The following CSMD1 variants were observed in gnomAD, a reference collection of about 807,000 sequenced individuals.
The protein encoded by CSMD1 is CUB and Sushi multiple domains 1, also known as CUB and sushi domain-containing protein 1.
CSMD1 carries 213 observed loss-of-function variants against 417.5 expected under a neutral mutation model. The observed-to-expected ratio is 0.51, with a 90% confidence interval of 0.46 to 0.57. The LOEUF (loss-of-function observed/expected upper bound fraction) is 0.57, where lower values mean the gene tolerates loss of function less well. Among genes scored for constraint, CSMD1 ranks in the 20% least tolerant of loss-of-function variants. The pLI, the probability that CSMD1 is intolerant of heterozygous loss-of-function variation, is 0.00. For synonymous variants in CSMD1, 2,862 were observed against 1,736.8 expected (o/e 1.65, Z -16.11); for missense variants, 6,923 against 4,529.7 (o/e 1.53, Z -15.17).
intron 5 of CSMD1, among the ~76,000 whole-genome samples, chr8:3,824,342 A>G (rs552759939): frequency 5.8e-4 from 88 of 152,278 alleles, no homozygotes; most frequent in African/African-American, 1.5e-3. Context: ...GCCAGATACT[A>G]TGTGCAAAGT....
chr8:2,954,831 G>C (rs1802889285), intron 64 of CSMD1, among the ~76,000 whole-genome samples: 1 of 152,184 alleles, frequency 6.6e-6, no homozygotes, highest in Non-Finnish European at 1.5e-5. Flanking sequence ...ATTTCTAACA[G>C]GGAAGGGCAA....
At chr8:3,042,636 C>A (rs1304547765) in intron 50 of CSMD1, among the ~76,000 whole-genome samples, 1 of 152,090 alleles carries the variant, frequency 6.6e-6, no homozygotes, top group African/African-American at 2.4e-5. Context: ...CATGGAGCAA[C>A]CGAGCAACCT....
intron 2 of CSMD1, among the ~76,000 whole-genome samples, chr8:4,485,086 A>G (rs1322367814): frequency 6.7e-6 from 1 of 148,860 alleles, no homozygotes; most frequent in Non-Finnish European, 1.5e-5. Context: ...CACAGAAAGG[A>G]GATGCTGAGA....
At position 4,258,012 on chromosome 8, in the gene CSMD1, G is replaced by C. The variant is rs138908448; in HGVS notation, c.415+161941C>G. ...CATAGAATAAGTGGATTAAACAACA[G>C]ACATTTATTTCTCACAGCTGTGGAA... On this transcript the variant is annotated intron_variant, in intron 3 of 69. Transcript: ENST00000635120. Among the ~76,000 whole-genome samples, 846 of 152,020 alleles carry C rather than the reference G, an allele frequency of 5.6e-3. 7 individuals are homozygous for C. Among genetic ancestry groups the C allele is most frequent in the African/African-American group, 0.02 (810 of 41,482 alleles).
At chr8:3,628,521 A>G (rs893440570) in intron 7 of CSMD1, among the ~76,000 whole-genome samples, 7 of 152,226 alleles carry the variant, frequency 4.6e-5, no homozygotes, top group Non-Finnish European at 8.8e-5. Flanking sequence ...CAGTAATATG[A>G]AGCCCTTAGT....
At chr8:3,058,651 C>T (rs1812394347) in intron 49 of CSMD1, among the ~76,000 whole-genome samples, 1 of 152,012 alleles carries the variant, frequency 6.6e-6, no homozygotes, top group Admixed American at 6.6e-5. Context: ...CCAGGCCATG[C>T]TGATGGCACT....
At chr8:4,201,612 T>G (rs546034342) in intron 3 of CSMD1, among the ~76,000 whole-genome samples, 2 of 139,866 alleles carry the variant, frequency 1.4e-5, no homozygotes, top group African/African-American at 5.3e-5. Context: ...AGAAGAAAAT[T>G]GAAATATAAA....
At chr8:3,273,103 C>T (rs1260158183) in intron 26 of CSMD1, among the ~76,000 whole-genome samples, 1 of 151,914 alleles carries the variant, frequency 6.6e-6, no homozygotes. Flanking sequence ...TGAGATACGT[C>T]CCATCAATAC....
rs1300700603 is a variant in CSMD1 at position 3,110,293 on chromosome 8, T to C, written c.6473A>G (p.Tyr2158Cys). ...ATACTCATCAGGAAAGCCAGGGGAGTAGATGGTGCCGTTCTGAGAAGTTAC... is the reference window on the plus strand; with the variant it reads ...ATACTCATCAGGAAAGCCAGGGGAGCAGATGGTGCCGTTCTGAGAAGTTAC... ...YNVTSQNGTI[Y>C]SPGFPDEYPI... is the part of the protein sequence containing the mutation. The change falls in exon 43 of 70, where the codon TAC becomes TGC. Residue 2158 changes from tyrosine (Y) to cysteine (C), a missense_variant. Tyr to Cys is a radical substitution (Grantham distance 194, BLOSUM62 -2). Transcript: ENST00000635120. The C allele has an allele frequency of 6.2e-7, 1 of 1,612,920 alleles. No homozygotes were observed. Among genetic ancestry groups the C allele is most frequent in the Non-Finnish European group, 8.5e-7 (1 of 1,179,600 alleles).
In CSMD1 at chr8:3,479,091, C is replaced by T. The variant is rs544073265; in HGVS notation, c.1449-10267G>A. On this transcript the variant is annotated intron_variant, in intron 11 of 69. Coordinates refer to ENST00000635120, the MANE Select transcript of CSMD1 (RefSeq NM_033225.6). ...GCACCAGCAGAAAGCAGTGGAGACTCCTTGGGCACTAAAGGCACTGAGCAG... is the reference window on the plus strand; with the variant it reads ...GCACCAGCAGAAAGCAGTGGAGACTTCTTGGGCACTAAAGGCACTGAGCAG... Among the ~76,000 whole-genome samples, 9 of 152,134 alleles carry T rather than the reference C, an allele frequency of 5.9e-5. No homozygotes were observed. The South Asian group carries it at 1.7e-3, about 28-fold the overall frequency.
intron 10 of CSMD1, among the ~76,000 whole-genome samples, chr8:3,545,663 G>A (rs1008989412): frequency 2.0e-5 from 3 of 152,196 alleles, no homozygotes; most frequent in Non-Finnish European, 4.4e-5. Flanking sequence ...ACAACTTACA[G>A]ACACTGCCTT....
chr8:2,974,437 C>G lies in CSMD1; in HGVS notation c.8740+14G>C. On this transcript the variant is annotated intron_variant, in intron 56 of 69. Transcript: ENST00000635120. ...AAATCTGTAATTCTGTCAGTTCACT[C>G]GTAAGCCCCTCACCTGTGCAGTGGG... 1 of 1,536,888 alleles carries G rather than the reference C, an allele frequency of 6.5e-7. No homozygotes were observed. Among genetic ancestry groups the G allele is most frequent in the South Asian group, 1.2e-5 (1 of 81,962 alleles).
chr8:3,759,894 G>C (rs944999893), intron 5 of CSMD1, among the ~76,000 whole-genome samples: 2 of 125,844 alleles, frequency 1.6e-5, no homozygotes, highest in South Asian at 2.9e-4. Context: ...GGGTGACTGA[G>C]AGACTGTCTC....
intron 1 of CSMD1, among the ~76,000 whole-genome samples, chr8:4,692,321 C>CA (rs1395215060): frequency 6.6e-6 from 1 of 151,864 alleles, no homozygotes; most frequent in African/African-American, 2.4e-5. Flanking sequence ...AATTTAAAAA[C>CA]AAAAAAAGAA....
At chr8:4,949,315 G>C (rs1188131252) in intron 1 of CSMD1, among the ~76,000 whole-genome samples, 1 of 151,242 alleles carries the variant, frequency 6.6e-6, no homozygotes, top group African/African-American at 2.4e-5. Context: ...TTAAAAAAAA[G>C]TTATTTTGGC....
At chr8:3,835,318 C>A (rs557065833) in intron 5 of CSMD1, among the ~76,000 whole-genome samples, 1 of 152,212 alleles carries the variant, frequency 6.6e-6, no homozygotes, top group South Asian at 2.1e-4. Flanking sequence ...GGAACCATCC[C>A]AAATGTCCAA....
chr8:4,804,744 C>G (rs564095750), intron 1 of CSMD1, among the ~76,000 whole-genome samples: 1 of 152,220 alleles, frequency 6.6e-6, no homozygotes, highest in South Asian at 2.1e-4. Flanking sequence ...GCCTGCAAGC[C>G]TTCAAGAAAA....
intron 1 of CSMD1, among the ~76,000 whole-genome samples, chr8:4,935,813 G>A (rs1162718767): frequency 6.6e-6 from 1 of 152,234 alleles, no homozygotes; most frequent in Admixed American, 6.5e-5. Flanking sequence ...CAACTTGAGA[G>A]AGTGCTCGGC....
chr8:3,330,360 G>A (rs78734333), intron 23 of CSMD1, among the ~76,000 whole-genome samples: 7,137 of 152,220 alleles, frequency 0.047, 401 homozygotes, highest in East Asian at 0.25. Context: ...GCCCATCAGC[G>A]AGAGACTGGA....
Sources: gnomAD v4.1 joint callset for allele counts (sites outside exome capture counted in the v4.1 genomes callset) on GRCh38, gnomAD v4.1.1 for gene constraint, MANE v1.5 for transcripts, NCBI Gene and HGNC (gene_info 2026-07-23, HGNC 2026-07-21) for gene names.